The following MOV10L1 variants were observed in gnomAD, a reference collection of about 807,000 sequenced individuals.
The protein encoded by MOV10L1 is Mov10 like RNA helicase 1.
A neutral mutation model predicts 143.8 loss-of-function variants in MOV10L1; 110 were observed. The ratio of observed to expected loss-of-function variants is 0.76; its 90% CI spans 0.66 to 0.90. The LOEUF is 0.90. Ranked by LOEUF, MOV10L1 falls within the 40% of genes least tolerant of loss-of-function variation. MOV10L1 has a pLI of 0.00. For synonymous variants in MOV10L1, 593 were observed against 581.1 expected, an observed-to-expected ratio of 1.02 and a Z score of -0.29; for missense variants, 1,406 against 1,526.8, an observed-to-expected ratio of 0.92 and a Z score of 1.32.
chr22:50,147,634 C>G (rs13058004), intron 19 of MOV10L1, among the ~76,000 whole-genome samples: 34,576 of 151,890 alleles, frequency 0.23, 4,601 homozygotes, highest in East Asian at 0.39. Context: ...GGCCCCACAG[C>G]GTTAGTTGGC....
intron 16 of MOV10L1, 97 bp downstream of exon 16, chr22:50,142,286 C>T: frequency 3.3e-6 from 3 of 903,480 alleles, no homozygotes; most frequent in Admixed American, 5.9e-5. Flanking sequence ...GAAGGAAGAA[C>T]AGTAGGGGGC....
chr22:50,099,337 A>G, intron 2 of MOV10L1, 106 bp from the exon 3 acceptor site: 1 of 1,362,398 alleles, frequency 7.3e-7, no homozygotes. Context: ...CAGGGCCTTG[A>G]TCTTGGACTT....
chr22:50,104,458 A>G (rs2061820403), intron 3 of MOV10L1, among the ~76,000 whole-genome samples: 2 of 152,218 alleles, frequency 1.3e-5, no homozygotes, highest in African/African-American at 2.4e-5. Flanking sequence ...TGTCCTTCCC[A>G]TGAGGCCACG....
intron 3 of MOV10L1, 86 bp downstream of exon 3, chr22:50,099,688 C>G: frequency 6.9e-7 from 1 of 1,454,362 alleles, no homozygotes; most frequent in Non-Finnish European, 9.3e-7. Context: ...TGGCTCATGC[C>G]TATAATCCCA....
intron 18 of MOV10L1, among the ~76,000 whole-genome samples, chr22:50,145,322 C>G (rs554995996): frequency 3.3e-5 from 5 of 152,046 alleles, no homozygotes; most frequent in South Asian, 2.1e-4. Context: ...CTCCGGAGGC[C>G]GAAGCAGGAG....
intron 12 of MOV10L1, among the ~76,000 whole-genome samples, chr22:50,127,627 A>T (rs556490571): frequency 6.6e-6 from 1 of 152,322 alleles, no homozygotes; most frequent in South Asian, 2.1e-4. Flanking sequence ...CCTGGAGAAG[A>T]GCTTGAGCTC....
intron 2 of MOV10L1, chr22:50,093,664 A>C (rs1487237021): frequency 1.3e-5 from 2 of 152,136 alleles, no homozygotes; most frequent in Non-Finnish European, 2.9e-5. Context: ...GTACACCATC[A>C]TACCTGACTA....
chr22:50,114,145 C>T (rs576059050), intron 6 of MOV10L1, among the ~76,000 whole-genome samples: 1 of 151,582 alleles, frequency 6.6e-6, no homozygotes, highest in African/African-American at 2.4e-5. Context: ...GTCTGGAGCT[C>T]CTGACCTTGT....
intron 21 of MOV10L1, 71 bp downstream of exon 21, chr22:50,150,970 T>C (rs2063285400): frequency 6.3e-6 from 10 of 1,579,070 alleles, no homozygotes; most frequent in South Asian, 1.2e-5. Context: ...GTCGAGCAGC[T>C]CACTCTTCTG....
At chr22:50,126,379 G>A in intron 12 of MOV10L1, 107 bp downstream of exon 12, 1 of 678,742 alleles carries the variant, frequency 1.5e-6, no homozygotes, top group African/African-American at 1.9e-5. Context: ...CATATGCATT[G>A]GCTATTTTGG....
At chr22:50,129,343 G>C (rs1016712189) in intron 13 of MOV10L1, among the ~76,000 whole-genome samples, 1 of 152,094 alleles carries the variant, frequency 6.6e-6, no homozygotes, top group Non-Finnish European at 1.5e-5. Context: ...AACTAGTCAT[G>C]CACAAAAAAT....
chr22:50,101,754 C>G (rs1384309069), intron 3 of MOV10L1, among the ~76,000 whole-genome samples: 1 of 152,106 alleles, frequency 6.6e-6, no homozygotes, highest in African/African-American at 2.4e-5. Context: ...TCAGGTGATT[C>G]ACCCACCTCG....
At chr22:50,095,909 T>C (rs2147017494) in intron 2 of MOV10L1, 1 of 152,358 alleles carries the variant, frequency 6.6e-6, no homozygotes, top group East Asian at 1.9e-4. Context: ...TCCCATAGTT[T>C]CTGTCCCTTT....
At chr22:50,133,004 C>T (rs1026116251) in intron 13 of MOV10L1, among the ~76,000 whole-genome samples, 1 of 151,876 alleles carries the variant, frequency 6.6e-6, no homozygotes, top group African/African-American at 2.4e-5. Context: ...CTACTCATTC[C>T]AGCCTGGGCG....
chr22:50,121,301 C>T (rs757808435), intron 10 of MOV10L1, among the ~76,000 whole-genome samples: 2 of 152,172 alleles, frequency 1.3e-5, no homozygotes, highest in Non-Finnish European at 2.9e-5. Flanking sequence ...TTTCCAAATA[C>T]ACCTCCTTGT....
intron 21 of MOV10L1, among the ~76,000 whole-genome samples, chr22:50,151,855 C>T (rs982310414): frequency 6.6e-6 from 1 of 152,254 alleles, no homozygotes; most frequent in Non-Finnish European, 1.5e-5. Flanking sequence ...AAAGACCCTG[C>T]CGCACGGGAG....
chr22:50,145,824 A>AT lies in MOV10L1; in HGVS notation c.2627+15dup, dbSNP rs775536656. On this transcript the variant is annotated intron_variant, in intron 19 of 26. Transcript: ENST00000262794. Reference sequence around the variant, plus strand: ...AATAGGAGTGAGGTGAGCCCCGGGCATGGAGCGCGGCATGGGGCCTCCCAG... The same window carrying AT: ...AATAGGAGTGAGGTGAGCCCCGGGCATTGGAGCGCGGCATGGGGCCTCCCAG... 1.2e-6 allele frequency: 2 copies of AT among 1,613,148 alleles called. No homozygotes were observed. Among genetic ancestry groups the AT allele is most frequent in the Admixed American group, 1.7e-5 (1 of 60,022 alleles).
chr22:50,127,967 C>T (rs547074808), intron 12 of MOV10L1, among the ~76,000 whole-genome samples: 92 of 152,154 alleles, frequency 6.0e-4, no homozygotes, highest in African/African-American at 1.9e-3. Context: ...GAGATGGTTT[C>T]GCCCCGTTGG....
chr22:50,100,293 A>G (rs2062706349), intron 3 of MOV10L1, among the ~76,000 whole-genome samples: 1 of 151,646 alleles, frequency 6.6e-6, no homozygotes, highest in Admixed American at 6.6e-5. Context: ...ACACCCAGCC[A>G]GGTCACTGTT....
Sources: allele counts gnomAD v4.1 joint callset (sites outside exome capture counted in the v4.1 genomes callset), GRCh38; gene constraint gnomAD v4.1.1; transcripts MANE v1.5; gene names NCBI Gene and HGNC (gene_info 2026-07-23, HGNC 2026-07-21).